CAMK2G: variants seen among roughly 807,000 people sequenced by gnomAD.
The protein encoded by CAMK2G is calcium/calmodulin dependent protein kinase II gamma.
CAMK2G carries 23 observed loss-of-function variants against 88.7 expected under a neutral mutation model. The ratio of observed to expected loss-of-function variants is 0.26; its 90% CI spans 0.19 to 0.37. CAMK2G has a LOEUF of 0.37. Ranked by LOEUF, CAMK2G falls within the 10% of genes least tolerant of loss-of-function variation. The pLI is 1.00. For missense variants in CAMK2G, 476 were observed against 780.8 expected (o/e 0.61, Z 4.65); for synonymous variants, 263 against 294.8 (o/e 0.89, Z 1.11).
intron 3 of CAMK2G, among the ~76,000 whole-genome samples, chr10:73,856,812 T>C (rs754561018): frequency 6.6e-6 from 1 of 152,238 alleles, no homozygotes; most frequent in Non-Finnish European, 1.5e-5. Context: ...CCAAAACACC[T>C]ACAAACCTTT....
Position 73,848,840 on chromosome 10 carries a change from A to G in CAMK2G, c.517+173T>C, listed in dbSNP as rs2094430394. Among the ~76,000 whole-genome samples the G allele has an allele frequency of 6.6e-6, 1 of 152,278 alleles. No individual in the cohort carries two copies. Among genetic ancestry groups the G allele is most frequent in the African/African-American group, 2.4e-5 (1 of 41,472 alleles). On this transcript the variant is annotated intron_variant, in intron 7 of 22. Coordinates refer to ENST00000423381, the MANE Select transcript of CAMK2G (RefSeq NM_001367534.1). This position sits in a 1 kb window ranked among gnomAD's most constrained non-coding sequence, Gnocchi z 4.5. ...CTCCAGCTCCTTCCCACAGGCAGCA[A>G]GAAAGCAGTGCTGACAACAGCTAGA...
intron 21 of CAMK2G, among the ~76,000 whole-genome samples, chr10:73,815,632 A>T (rs942099399): frequency 6.6e-6 from 1 of 152,170 alleles, no homozygotes; most frequent in African/African-American, 2.4e-5. Flanking sequence ...TGTGACTCTT[A>T]ACTAAAGCCT....
chr10:73,857,549 T>C (rs2095128957), intron 3 of CAMK2G, among the ~76,000 whole-genome samples: 1 of 152,152 alleles, frequency 6.6e-6, no homozygotes, highest in Non-Finnish European at 1.5e-5. Context: ...ACCCCCTGAA[T>C]CAGAATCTGA....
In CAMK2G at chr10:73,839,519, G is replaced by A; in HGVS notation, c.1009+20C>T. 2 of 1,229,634 alleles carry A rather than the reference G, an allele frequency of 1.6e-6. No homozygotes were observed. Among genetic ancestry groups the A allele is most frequent in the Non-Finnish European group, 2.0e-6 (2 of 983,472 alleles). 76.2% of individuals were successfully genotyped at this position (1,229,634 alleles called of 1,614,324 possible). ...GCAGGGGGCCGAGGCAGGCGGTCGGGGAGGACTCATGCCACGTACCTTGCC... is the reference window on the plus strand; with the variant it reads ...GCAGGGGGCCGAGGCAGGCGGTCGGAGAGGACTCATGCCACGTACCTTGCC... On this transcript the variant is annotated intron_variant, in intron 13 of 22. Transcript: ENST00000423381. This position sits in a 1 kb window ranked among gnomAD's most constrained non-coding sequence, Gnocchi z 4.2.
At position 73,873,148 on chromosome 10, in the gene CAMK2G, A is replaced by T; in HGVS notation, c.66-65T>A. The T allele has an allele frequency of 2.5e-6, 3 of 1,189,400 alleles. No individual in the cohort carries two copies. In the South Asian group the frequency reaches 3.6e-5, roughly 14 times the overall value. 73.7% of individuals were successfully genotyped at this position (1,189,400 alleles called of 1,614,324 possible). Reference sequence around the variant, plus strand: ...GGCAGAGTGACACAGACACACTTCAAGTCTGGGGACGATGATGCTCCCACC... The same window carrying T: ...GGCAGAGTGACACAGACACACTTCATGTCTGGGGACGATGATGCTCCCACC... On this transcript the variant is annotated intron_variant, in intron 1 of 22. Transcript: ENST00000423381.
At chr10:73,862,111 T>A (rs1343250584) in intron 2 of CAMK2G, among the ~76,000 whole-genome samples, 1 of 152,158 alleles carries the variant, frequency 6.6e-6, no homozygotes, top group Non-Finnish European at 1.5e-5. Context: ...GTGGGTCAAT[T>A]CCTTCCACAG....
chr10:73,870,417 G>A (rs1328636885), intron 2 of CAMK2G, among the ~76,000 whole-genome samples: 2 of 152,118 alleles, frequency 1.3e-5, no homozygotes, highest in Non-Finnish European at 2.9e-5. Flanking sequence ...CAACCTAGCC[G>A]CCAATGTGGG....
At chr10:73,873,637 G>A (rs1425435892) in intron 1 of CAMK2G, 2 of 549,666 alleles carry the variant, frequency 3.6e-6, no homozygotes, top group Non-Finnish European at 4.6e-6. Flanking sequence ...AGAGGACACA[G>A]TCAGACATCA....
Position 73,849,270 on chromosome 10 carries a change from C to G in CAMK2G, c.405G>C (p.Arg135Ser). The G allele has an allele frequency of 1.2e-6, 2 of 1,613,294 alleles. No individual in the cohort carries two copies. Among genetic ancestry groups the G allele is most frequent in the Non-Finnish European group, 1.7e-6 (2 of 1,179,314 alleles). Residue 135 changes from arginine (R) to serine (S), a missense_variant, in exon 6 of 23, where the codon AGG becomes AGC. By Grantham distance (110) the Arg-to-Ser change is moderately radical. Coordinates refer to ENST00000423381, the MANE Select transcript of CAMK2G (RefSeq NM_001367534.1). Reference protein sequence around the residue: ...NHIHQHDIVHRDLKPENLLLA... With the variant: ...NHIHQHDIVHSDLKPENLLLA... Reference sequence around the variant, plus strand: ...GGAGCCTGGGTAGTACCTTCAGGTCCCTGTGGACGATGTCATGCTGGTGGA... The same window carrying G: ...GGAGCCTGGGTAGTACCTTCAGGTCGCTGTGGACGATGTCATGCTGGTGGA...
intron 2 of CAMK2G, among the ~76,000 whole-genome samples, chr10:73,871,806 G>C (rs993895956): frequency 6.6e-6 from 1 of 152,122 alleles, no homozygotes; most frequent in Non-Finnish European, 1.5e-5. Flanking sequence ...GATGGAGAGA[G>C]AGTCCCCAGT....
At chr10:73,830,664 G>A (rs1213553245) in intron 14 of CAMK2G, among the ~76,000 whole-genome samples, 2 of 152,160 alleles carry the variant, frequency 1.3e-5, no homozygotes, top group Non-Finnish European at 2.9e-5. Flanking sequence ...GAAGGCACAA[G>A]TTGTCCTACA....
chr10:73,850,196 C>T (rs2094519884), intron 5 of CAMK2G, among the ~76,000 whole-genome samples: 2 of 152,076 alleles, frequency 1.3e-5, no homozygotes. Flanking sequence ...AAGGTCTCAC[C>T]ATGTTGCCCA....
chr10:73,816,419 G>C (rs756107077), intron 21 of CAMK2G: 1 of 1,055,828 alleles, frequency 9.5e-7, no homozygotes, highest in African/African-American at 1.7e-5. Context: ...AATCTCAAAG[G>C]GTTTCCTTCC....
rs2084591397 is a variant in CAMK2G, at chr10:73,813,206, G to T, written c.*1312C>A. The T allele has an allele frequency of 6.5e-6, 1 of 152,714 alleles. No homozygotes were observed. 9.5% of individuals were successfully genotyped at this position (152,714 alleles called of 1,614,324 possible). A position where few individuals can be genotyped will look rare whatever the true frequency, so the allele number is the denominator to read the frequency against. On this transcript the variant is annotated 3_prime_UTR_variant, in exon 23 of 23. Transcript: ENST00000423381. ...ATGGAACTCCTTGAGCACAGAGAGG[G>T]ACAATGAAGGTAGAAGCCTTGGCTC...
At chr10:73,855,724 G>A (rs2094979568) in intron 3 of CAMK2G, among the ~76,000 whole-genome samples, 1 of 152,234 alleles carries the variant, frequency 6.6e-6, no homozygotes, top group Non-Finnish European at 1.5e-5. Context: ...AGCAAAGGAA[G>A]ACTAATCCTT....
intron 14 of CAMK2G, among the ~76,000 whole-genome samples, chr10:73,836,535 G>A (rs191790410): frequency 6.6e-6 from 1 of 152,208 alleles, no homozygotes; most frequent in Admixed American, 6.5e-5. Flanking sequence ...GCTCCCCTGC[G>A]AGGGGCGGAA....
At position 73,814,417 on chromosome 10, in the gene CAMK2G, T is replaced by G. The variant is rs1196566461; in HGVS notation, c.*101A>C. 6.5e-6 allele frequency: 1 copy of G among 154,058 alleles called. No individual in the cohort carries two copies. Among genetic ancestry groups the G allele is most frequent in the Non-Finnish European group, 1.4e-5 (1 of 69,030 alleles). The allele number at this position is 154,058 out of a possible 1,614,324, so 9.5% of individuals were successfully genotyped here. A position where few individuals can be genotyped will look rare whatever the true frequency, so the allele number is the denominator to read the frequency against. ...TTTTGTAATTGAATTGTTTTAAACC[T>G]CAAACAAACAGGACTGCCGCTGTCA... is the stretch of plus-strand genomic sequence containing the variant. On this transcript the variant is annotated 3_prime_UTR_variant, in exon 23 of 23. Coordinates refer to ENST00000423381, the MANE Select transcript of CAMK2G (RefSeq NM_001367534.1).
At chr10:73,841,149 C>A (rs965242940) in intron 12 of CAMK2G, among the ~76,000 whole-genome samples, 3 of 152,258 alleles carry the variant, frequency 2.0e-5, no homozygotes, top group African/African-American at 7.2e-5. Context: ...CTGCAGCATC[C>A]TCACAGCCAA....
chr10:73,814,558 A>T (rs2084816322), intron 22 of CAMK2G, 53 bp from the exon 23 acceptor site: 1 of 178,134 alleles, frequency 5.6e-6, no homozygotes. Flanking sequence ...GAGCACACAG[A>T]TGAGTTCCAG....
Sources: allele counts gnomAD v4.1 joint callset (sites outside exome capture counted in the v4.1 genomes callset), GRCh38; gene constraint gnomAD v4.1.1; non-coding constraint Gnocchi (gnomAD v3.1); transcripts MANE v1.5; gene names NCBI Gene and HGNC (gene_info 2026-07-23, HGNC 2026-07-21).